TUBGCP5: variants seen among roughly 807,000 people sequenced by gnomAD.
TUBGCP5 encodes the protein tubulin gamma complex component 5.
A neutral mutation model predicts 134.7 loss-of-function variants in TUBGCP5; 98 were observed. The observed-to-expected ratio is 0.73, with a 90% CI of 0.62 to 0.86. The LOEUF is 0.86. Ranked by LOEUF, TUBGCP5 falls within the 40% of genes least tolerant of loss-of-function variation. TUBGCP5 has a pLI of 0.00. For missense variants in TUBGCP5, 1,150 were observed against 1,244.8 expected (o/e 0.92, Z 1.15); for synonymous variants, 456 against 431.4 (o/e 1.06, Z -0.71).
intron 21 of TUBGCP5, among the ~76,000 whole-genome samples, chr15:23,001,531 T>G (rs1268781125): frequency 6.6e-6 from 1 of 151,856 alleles, no homozygotes; most frequent in East Asian, 1.9e-4. Context: ...TTAGTAGAGA[T>G]GGAGTTTCTC....
At chr15:23,021,761 C>G (rs2065711270) in intron 11 of TUBGCP5, among the ~76,000 whole-genome samples, 198 bp downstream of exon 11, 1 of 152,180 alleles carries the variant, frequency 6.6e-6, no homozygotes, top group African/African-American at 2.4e-5. Flanking sequence ...CTTGTCCTTG[C>G]CTCATCCTTC....
At chr15:23,005,311 T>G in intron 19 of TUBGCP5, 121 bp downstream of exon 19, 1 of 1,149,512 alleles carries the variant, frequency 8.7e-7, no homozygotes. Flanking sequence ...TCAAATTTGC[T>G]ACATGTCCCG....
intron 13 of TUBGCP5, among the ~76,000 whole-genome samples, chr15:23,017,001 A>T (rs1390708002): frequency 1.3e-5 from 1 of 79,334 alleles, no homozygotes; most frequent in Non-Finnish European, 2.6e-5. Flanking sequence ...TATATCTTGA[A>T]GATAAAAGAG....
chr15:23,005,393 T>TAG lies in TUBGCP5; in HGVS notation c.2712+38_2712+39insCT, dbSNP rs749902393. On this transcript the variant is annotated intron_variant, in intron 19 of 22. Transcript: ENST00000615383. ...AATTCTCTACGAACAACTGTATAGATACGACGATAGAACTGAAGCAGATGG... is the reference window on the plus strand; with the variant it reads ...AATTCTCTACGAACAACTGTATAGATAGACGACGATAGAACTGAAGCAGATGG... 9 of 1,604,596 alleles carry TAG rather than the reference T, an allele frequency of 5.6e-6. No homozygotes were observed. In the Admixed American group the frequency reaches 1.5e-4, roughly 27 times the overall value.
intron 21 of TUBGCP5, among the ~76,000 whole-genome samples, chr15:23,001,586 G>A (rs1406631195): frequency 8.6e-5 from 13 of 151,676 alleles, no homozygotes; most frequent in Admixed American, 7.9e-4. Context: ...CAGGAGATCC[G>A]CCCACCTCAG....
chr15:22,988,066 G>GTAA (rs1334117766), intron 23 of TUBGCP5, among the ~76,000 whole-genome samples: 1 of 151,758 alleles, frequency 6.6e-6, no homozygotes, highest in Non-Finnish European at 1.5e-5. Flanking sequence ...AGAACTATGA[G>GTAA]TAATACATTT....
chr15:23,023,364 G>C (rs2065816036), intron 10 of TUBGCP5: 1 of 150,708 alleles, frequency 6.6e-6, no homozygotes, highest in Admixed American at 6.6e-5. Context: ...CTACCCTACA[G>C]ATAACTCACT....
chr15:22,989,784 G>A (rs2063792797), intron 23 of TUBGCP5, among the ~76,000 whole-genome samples: 1 of 152,178 alleles, frequency 6.6e-6, no homozygotes, highest in African/African-American at 2.4e-5. Flanking sequence ...GCCACACCTT[G>A]TTCAAGCTGG....
chr15:23,029,051 G>C (rs2066142541), intron 6 of TUBGCP5, among the ~76,000 whole-genome samples: 1 of 151,886 alleles, frequency 6.6e-6, no homozygotes, highest in African/African-American at 2.4e-5. Context: ...AACATATGTA[G>C]AAATTAACAA....
At position 23,011,136 on chromosome 15, in the gene TUBGCP5, G is replaced by A; in HGVS notation, c.1952C>T (p.Ala651Val). Residue 651 changes from alanine to valine, a missense_variant, in exon 14 of 23, where the codon GCA becomes GTA. Ala to Val is a moderately conservative substitution (Grantham distance 64). Transcript: ENST00000615383. ...TAACCTTGCAGGTGTGTCTCACCTT[G>A]CAAAGTTAATGGCAAGCAGTGGATC... ...VHDPLLAINF[A>V]RMYLEQSDFH... The A allele has an allele frequency of 1.2e-6, 2 of 1,613,554 alleles. No homozygotes were observed. Among genetic ancestry groups the A allele is most frequent in the Middle Eastern group, 1.7e-4 (1 of 6,060 alleles).
At chr15:22,997,083 G>C (rs568783564), downstream of TUBGCP5, 1 of 152,314 alleles carries the variant, frequency 6.6e-6, no homozygotes, top group Non-Finnish European at 1.5e-5. Flanking sequence ...CATGGTTCCT[G>C]AAAGGGGCTA....
intron 14 of TUBGCP5, among the ~76,000 whole-genome samples, chr15:23,010,402 G>A (rs140861400): frequency 2.6e-5 from 4 of 152,218 alleles, no homozygotes; most frequent in African/African-American, 9.6e-5. Flanking sequence ...GAACTGTGTG[G>A]GTATTAATGA....
Position 23,039,523 on chromosome 15 carries a change from C to G in TUBGCP5, c.21G>C (p.Pro7=), listed in dbSNP as rs370649864. 473 of 1,491,120 alleles carry G rather than the reference C, an allele frequency of 3.2e-4. 2 individuals are homozygous for G. Among genetic ancestry groups the G allele is most frequent in the Admixed American group, 5.3e-4 (26 of 48,836 alleles). 92.4% of individuals were successfully genotyped at this position (1,491,120 alleles called of 1,614,324 possible). A position where few individuals can be genotyped will look rare whatever the true frequency, so the allele number is the denominator to read the frequency against. MARHGP[P]WSRLDAQQER... Reference sequence around the variant, plus strand: ...CCTGCTGCGCGTCCAACCGACTCCACGGTGGCCCGTGCCGCGCCATGTTCC... The same window carrying G: ...CCTGCTGCGCGTCCAACCGACTCCAGGGTGGCCCGTGCCGCGCCATGTTCC... The change falls in exon 1 of 23, where the codon CCG becomes CCC. Residue 7 remains proline (P), a synonymous_variant. Coordinates refer to ENST00000615383, the MANE Select transcript of TUBGCP5 (RefSeq NM_052903.6).
At chr15:23,003,008 AG>A in intron 21 of TUBGCP5, 56 bp downstream of exon 21, 1 of 1,566,750 alleles carries the variant, frequency 6.4e-7, no homozygotes, top group Admixed American at 1.7e-5. Flanking sequence ...TCTAAAAAAA[AG>A]GGAAGCTGAA....
chr15:23,032,702 A>C (rs1217173264), intron 4 of TUBGCP5, 26 bp downstream of exon 4: 6 of 1,441,780 alleles, frequency 4.2e-6, no homozygotes, highest in Non-Finnish European at 5.6e-6. Context: ...TTTACTTCTC[A>C]TATGTTAAGG....
chr15:22,987,558 CA>C (rs1443277393), intron 23 of TUBGCP5, among the ~76,000 whole-genome samples: 1 of 151,734 alleles, frequency 6.6e-6, no homozygotes, highest in Non-Finnish European at 1.5e-5. Flanking sequence ...TGACAGGTCA[CA>C]AAAGTAGAGT....
chr15:23,012,846 C>T (rs569802939), intron 13 of TUBGCP5, among the ~76,000 whole-genome samples: 4 of 152,262 alleles, frequency 2.6e-5, no homozygotes, highest in South Asian at 4.1e-4. Flanking sequence ...GTGGCTCACG[C>T]TTGTAATCCC....
At chr15:23,029,649 A>T (rs2066185836) in intron 6 of TUBGCP5, among the ~76,000 whole-genome samples, 1 of 151,694 alleles carries the variant, frequency 6.6e-6, no homozygotes, top group Non-Finnish European at 1.5e-5. Flanking sequence ...GTTGGGAGGC[A>T]GAGGCAGGTG....
rs1182038478 is a variant in TUBGCP5, at chr15:22,989,696, CCTT to C, written c.*62-6088_*62-6086del. ...TGGCCAACCAGGAGGAACTTTAATT[CCTT>C]CTTAACTGATCCCTCCATTCCACAA... On this transcript the variant is annotated intron_variant and NMD_transcript_variant, in intron 23 of 23. Coordinates refer to the TUBGCP5 transcript ENST00000614508. Among the ~76,000 whole-genome samples the C allele has an allele frequency of 3.3e-5, 5 of 152,236 alleles. No individual in the cohort carries two copies. The East Asian group carries it at 9.6e-4, about 29-fold the overall frequency.
Sources: allele counts gnomAD v4.1 joint callset (sites outside exome capture counted in the v4.1 genomes callset), GRCh38; gene constraint gnomAD v4.1.1; transcripts MANE v1.5; gene names NCBI Gene and HGNC (gene_info 2026-07-23, HGNC 2026-07-21).